Variants in KHDRBS2 observed in about 807,000 individuals in gnomAD.
KHDRBS2 encodes the protein KH RNA binding domain containing, signal transduction associated 2.
KHDRBS2 carries 26 observed loss-of-function variants against 44.3 expected under a neutral mutation model. That is an observed-to-expected ratio of 0.59 (90% CI 0.43 to 0.81). The LOEUF is 0.81. Among genes scored for constraint, KHDRBS2 ranks in the 40% least tolerant of loss-of-function variants. KHDRBS2 has a pLI of 0.00. For synonymous variants in KHDRBS2, 194 were observed against 151.1 expected (o/e 1.28, Z -2.08); for missense variants, 476 against 433.1 (o/e 1.10, Z -0.88).
chr6:61,960,892 C>T lies in KHDRBS2; in HGVS notation c.483+17174G>A, dbSNP rs76902830. Reference sequence around the variant, plus strand: ...AGCACACTCTGCAATGTTTTACCCACTGAGTGCATGAAGCAGTTATTTGAA... The same window carrying T: ...AGCACACTCTGCAATGTTTTACCCATTGAGTGCATGAAGCAGTTATTTGAA... On this transcript the variant is annotated intron_variant, in intron 4 of 8. Coordinates refer to ENST00000281156, the MANE Select transcript of KHDRBS2 (RefSeq NM_152688.4). 9.1e-4 allele frequency among the ~76,000 whole-genome samples: 139 copies of T among 152,172 alleles called. 2 individuals are homozygous for T. In the East Asian group the frequency reaches 0.025, roughly 28 times the overall value.
chr6:61,709,842 G>A (rs572789378), intron 7 of KHDRBS2, among the ~76,000 whole-genome samples: 94 of 151,670 alleles, frequency 6.2e-4, no homozygotes, highest in African/African-American at 2.1e-3. Context: ...ACTATATCAC[G>A]TGTTTCTTTG....
intron 2 of KHDRBS2, among the ~76,000 whole-genome samples, chr6:62,114,988 T>TTTTGTCGGCG (rs1209754053): frequency 6.6e-6 from 1 of 152,160 alleles, no homozygotes; most frequent in Non-Finnish European, 1.5e-5. Context: ...GCGTAAATAT[T>TTTTGTCGGCG]TAACACAAGA....
intron 7 of KHDRBS2, among the ~76,000 whole-genome samples, chr6:61,698,823 A>G (rs983505086): frequency 6.6e-6 from 1 of 151,836 alleles, no homozygotes; most frequent in African/African-American, 2.4e-5. Context: ...TGTTTCTCCT[A>G]CCTGAAACAG....
chr6:61,714,345 A>G (rs1771034065), intron 7 of KHDRBS2, among the ~76,000 whole-genome samples: 2 of 151,976 alleles, frequency 1.3e-5, no homozygotes, highest in Admixed American at 1.3e-4. Flanking sequence ...ATAAGATACC[A>G]TCTCACATCA....
intron 2 of KHDRBS2, among the ~76,000 whole-genome samples, chr6:62,089,542 C>G (rs1035386661): frequency 6.6e-6 from 1 of 152,116 alleles, no homozygotes; most frequent in African/African-American, 2.4e-5. Flanking sequence ...TCTGCTCGCC[C>G]TCCTTGGGCT....
At chr6:62,000,199 G>A (rs1777988924) in intron 3 of KHDRBS2, among the ~76,000 whole-genome samples, 1 of 152,076 alleles carries the variant, frequency 6.6e-6, no homozygotes, top group Non-Finnish European at 1.5e-5. Context: ...CCTATAGTGA[G>A]TTCTGGTTTA....
intron 1 of KHDRBS2, among the ~76,000 whole-genome samples, chr6:62,228,046 C>G (rs1832222506): frequency 6.6e-6 from 1 of 152,080 alleles, no homozygotes; most frequent in Non-Finnish European, 1.5e-5. Context: ...TGAAATGAAT[C>G]AGGGTGGAGT....
chr6:62,208,753 G>T (rs1828488972), intron 1 of KHDRBS2, among the ~76,000 whole-genome samples: 1 of 152,054 alleles, frequency 6.6e-6, no homozygotes, highest in Non-Finnish European at 1.5e-5. Flanking sequence ...GTTATCTCTT[G>T]TCATTTTTAT....
chr6:61,824,792 A>T (rs1790575905), intron 6 of KHDRBS2, among the ~76,000 whole-genome samples: 2 of 152,142 alleles, frequency 1.3e-5, no homozygotes, highest in Admixed American at 1.3e-4. Context: ...TCAGTTGTTA[A>T]ATTGATTGTC....
At chr6:61,978,035 A>T in intron 4 of KHDRBS2, 31 bp downstream of exon 4, 1 of 1,551,368 alleles carries the variant, frequency 6.4e-7, no homozygotes, top group East Asian at 2.3e-5. Context: ...GCTGATAAGA[A>T]ACATCTTTGT....
chr6:61,766,244 G>T (rs181959740), intron 6 of KHDRBS2, among the ~76,000 whole-genome samples: 9 of 151,680 alleles, frequency 5.9e-5, no homozygotes, highest in African/African-American at 2.2e-4. Context: ...TTTCTTCTAG[G>T]TTTTTCAATT....
chr6:62,176,017 T>C (rs1329013607), intron 2 of KHDRBS2, among the ~76,000 whole-genome samples: 7 of 151,424 alleles, frequency 4.6e-5, no homozygotes. Flanking sequence ...TTTAAATGTA[T>C]GATTTATGAA....
intron 3 of KHDRBS2, among the ~76,000 whole-genome samples, chr6:62,002,845 T>C (rs1440819471): frequency 6.6e-5 from 10 of 151,898 alleles, no homozygotes; most frequent in Admixed American, 5.3e-4. Context: ...TGTTATATCC[T>C]ACATGTTAAG....
chr6:61,693,264 A>G (rs1378507751), intron 8 of KHDRBS2, among the ~76,000 whole-genome samples: 2 of 152,128 alleles, frequency 1.3e-5, no homozygotes, highest in South Asian at 2.1e-4. Flanking sequence ...ATTTTATTAT[A>G]AGCAACTTAT....
intron 2 of KHDRBS2, among the ~76,000 whole-genome samples, chr6:62,137,966 A>T (rs1408970378): frequency 1.3e-5 from 2 of 152,168 alleles, no homozygotes; most frequent in Admixed American, 6.5e-5. Flanking sequence ...CTGTCTTTCC[A>T]TGTTTACTGT....
intron 2 of KHDRBS2, among the ~76,000 whole-genome samples, chr6:62,158,448 ATAG>A (rs1722650033): frequency 6.6e-6 from 1 of 152,180 alleles, no homozygotes; most frequent in Admixed American, 6.5e-5. Flanking sequence ...CCCACTGGTC[ATAG>A]TTAAACGATA....
intron 6 of KHDRBS2, among the ~76,000 whole-genome samples, chr6:61,805,328 T>G (rs899748043): frequency 5.3e-5 from 8 of 152,142 alleles, no homozygotes; most frequent in African/African-American, 1.9e-4. Flanking sequence ...AGCCTAAATT[T>G]CATTGTTCAT....
intron 2 of KHDRBS2, among the ~76,000 whole-genome samples, chr6:62,115,470 G>T (rs1805998365): frequency 1.3e-5 from 2 of 152,148 alleles, no homozygotes. Flanking sequence ...AGCAAAGCTA[G>T]GATGAAATCC....
At chr6:61,624,374 G>A in the KHDRBS2 span, among the ~76,000 whole-genome samples, 1 of 152,242 alleles carries the variant, frequency 6.6e-6, no homozygotes, top group African/African-American at 2.4e-5. Flanking sequence ...AACACCAAGT[G>A]GACACTTGTT....
Sources: gnomAD v4.1 joint callset for allele counts (sites outside exome capture counted in the v4.1 genomes callset) on GRCh38, gnomAD v4.1.1 for gene constraint, MANE v1.5 for transcripts, NCBI Gene and HGNC (gene_info 2026-07-23, HGNC 2026-07-21) for gene names.